The following FN1 variants were observed in gnomAD, a reference collection of about 807,000 sequenced individuals.
FN1 encodes fibronectin.
In FN1, 106 loss-of-function variants were observed where a neutral mutation model predicts 297.3. The observed-to-expected ratio is 0.36, with a 90% confidence interval of 0.30 to 0.42. The LOEUF (loss-of-function observed/expected upper bound fraction) is 0.42. FN1 is among the 10% of genes least tolerant of loss of function. FN1 has a pLI of 1.00. For missense variants in FN1, 2,690 were observed against 3,124.9 expected (o/e 0.86, Z 3.32); for synonymous variants, 1,149 against 1,152.6 (o/e 1.00, Z 0.06).
chr2:215,428,084 T>G (rs1042612231), intron 6 of FN1, 96 bp downstream of exon 6: 1 of 1,436,598 alleles, frequency 7.0e-7, no homozygotes, highest in South Asian at 1.2e-5. Flanking sequence ...ACACTGCAAA[T>G]TATCCTCAAA....
At chr2:215,408,715 AC>A in intron 15 of FN1, among the ~76,000 whole-genome samples, 1 of 151,978 alleles carries the variant, frequency 6.6e-6, no homozygotes, top group Admixed American at 6.6e-5. Context: ...TTACAGGTGC[AC>A]ACCACCACAC....
Position 215,361,495 on chromosome 2 carries a change from TCC to T in FN1, c.*58_*59del. On this transcript the variant is annotated 3_prime_UTR_variant, in exon 46 of 46. Coordinates refer to ENST00000354785, the MANE Select transcript of FN1 (RefSeq NM_212482.4). ...TCTAAGCTGGGTCTGCTAACATCACTCCAGTTTAGATGGATCTTGGCAGAGAG... is the reference window on the plus strand; with the variant it reads ...TCTAAGCTGGGTCTGCTAACATCACTAGTTTAGATGGATCTTGGCAGAGAG... The T allele has an allele frequency of 1.7e-6, 2 of 1,199,458 alleles. No individual in the cohort carries two copies. Among genetic ancestry groups the T allele is most frequent in the Non-Finnish European group, 2.5e-6 (2 of 800,746 alleles). 74.3% of individuals were successfully genotyped at this position (1,199,458 alleles called of 1,614,324 possible).
intron 10 of FN1, 76 bp downstream of exon 10, chr2:215,422,015 C>A (rs922721350): frequency 1.0e-5 from 14 of 1,386,138 alleles, no homozygotes; most frequent in Non-Finnish European, 2.1e-6. Context: ...TGGCATAGTG[C>A]AAGTTTTCAT....
rs1022027908 is a variant in FN1, at chr2:215,435,599, C to G, written c.148+56G>C. 4 of 1,608,740 alleles carry G rather than the reference C, an allele frequency of 2.5e-6. No homozygotes were observed. In the African/African-American group the frequency reaches 5.3e-5, roughly 21 times the overall value. On this transcript the variant is annotated intron_variant, in intron 1 of 45. Coordinates refer to ENST00000354785, the MANE Select transcript of FN1 (RefSeq NM_212482.4). ...ACAAAACTTCAGCCCCAACTTTGGT[C>G]GGCTTTAGGGTCCCATCCCTGAGGC...
intron 24 of FN1, among the ~76,000 whole-genome samples, chr2:215,394,153 C>T (rs1036594042): frequency 5.9e-5 from 9 of 152,160 alleles, no homozygotes; most frequent in Non-Finnish European, 1.2e-4. Context: ...ATTGTAAAAT[C>T]GGGCAGAAAT....
Position 215,406,302 on chromosome 2 carries a change from G to A in FN1, c.2922C>T (p.Tyr974=). The part of the protein sequence containing the change: ...VTGLSPGVTY[Y]FKVFAVSHGR... ...CATGGCTCACTGCAAAGACTTTGAAGTAATAGGTGACCCCAGGGGACAGCC... is the reference window on the plus strand; with the variant it reads ...CATGGCTCACTGCAAAGACTTTGAAATAATAGGTGACCCCAGGGGACAGCC... Residue 974 remains tyrosine (Y), a synonymous_variant, in exon 19 of 46, where the codon TAC becomes TAT. Coordinates refer to ENST00000354785, the MANE Select transcript of FN1 (RefSeq NM_212482.4). The A allele has an allele frequency of 3.7e-6, 6 of 1,614,178 alleles. No individual in the cohort carries two copies. Among genetic ancestry groups the A allele is most frequent in the Non-Finnish European group, 5.1e-6 (6 of 1,180,016 alleles).
At chr2:215,412,243 C>T (rs986372341) in intron 13 of FN1, among the ~76,000 whole-genome samples, 1 of 150,636 alleles carries the variant, frequency 6.6e-6, no homozygotes, top group African/African-American at 2.4e-5. Context: ...GGTGCTGAAG[C>T]ATTCTAGACT....
intron 24 of FN1, chr2:215,393,563 G>A (rs1318505191): frequency 6.6e-6 from 1 of 152,510 alleles, no homozygotes; most frequent in Non-Finnish European, 1.5e-5. Flanking sequence ...AATATCTGAA[G>A]TAAGTATCAG....
intron 36 of FN1, among the ~76,000 whole-genome samples, 180 bp from the exon 37 acceptor site, chr2:215,375,898 A>G (rs571830542): frequency 3.9e-5 from 6 of 152,358 alleles, no homozygotes; most frequent in Non-Finnish European, 5.9e-5. Flanking sequence ...AACAAGAAAC[A>G]TATCTCGAAA....
chr2:215,417,437 CTATT>C (rs761308460), intron 12 of FN1, among the ~76,000 whole-genome samples: 1 of 152,070 alleles, frequency 6.6e-6, no homozygotes, highest in Middle Eastern at 3.4e-3. Flanking sequence ...CTTTTTTTCT[CTATT>C]TATTTTGCTG....
At chr2:215,412,760 C>CTTTTTTTT (rs10524797) in intron 13 of FN1, among the ~76,000 whole-genome samples, 1,798 of 97,254 alleles carry the variant, frequency 0.018, 117 homozygotes, top group African/African-American at 0.053. Flanking sequence ...TATTAAGTAT[C>CTTTTTTTT]TTTTTTTTTT....
rs2066365422 is a variant in FN1 at position 215,430,734 on chromosome 2, G to A, written c.666C>T (p.Arg222=). 6.2e-7 allele frequency: 1 copy of A among 1,614,054 alleles called. No homozygotes were observed. The highest frequency in any genetic ancestry group is 1.1e-5 in the South Asian group (1 of 91,078). ...ACATACTTCTAGAAGTGCAAGTGAT[G>A]CGTCCGCTGCCTTCTCCCAGGCAAG... ...DCTCLGEGSG[R]ITCTSRNRCN... Residue 222 remains arginine (R), a synonymous_variant, in exon 5 of 46, where the codon CGC becomes CGT. Transcript: ENST00000354785.
At position 215,426,555 on chromosome 2, in the gene FN1, C is replaced by A. The variant is rs7598545; in HGVS notation, c.845-1270G>T. The stretch of plus-strand genomic sequence containing the variant: ...CAAAGGTACACTGAATTCAGTGCCT[C>A]CCTAAGTGCTGCTGAACACTAGAAC... On this transcript the variant is annotated intron_variant, in intron 6 of 45. Transcript: ENST00000354785. Among the ~76,000 whole-genome samples the A allele has an allele frequency of 2.6e-3, 401 of 152,192 alleles. 2 individuals are homozygous for A. The highest frequency in any genetic ancestry group is 9.4e-3 in the African/African-American group (392 of 41,520).
chr2:215,433,202 T>C, intron 3 of FN1, 122 bp downstream of exon 3: 7 of 1,225,406 alleles, frequency 5.7e-6, no homozygotes, highest in Non-Finnish European at 7.2e-6. Context: ...GAGTACCTGG[T>C]CACCAGGGGC....
chr2:215,409,591 A>C lies in FN1; in HGVS notation c.2271T>G (p.Ser757Arg). The change falls in exon 15 of 46, where the codon AGT becomes AGG. Residue 757 changes from serine to arginine, a missense_variant. By Grantham distance (110) the Ser-to-Arg change is moderately radical. This residue lies in a region of FN1 where 876 missense variants were observed against 1,058.1 expected (regional missense o/e 0.83). Coordinates refer to ENST00000354785, the MANE Select transcript of FN1 (RefSeq NM_212482.4). ...GGTACTGTGGCTCATCTCCCTCCTC[A>C]CTCAGCTCATATTCCACCCGGAATC... is the stretch of plus-strand genomic sequence containing the variant. ...VSGFRVEYEL[S>R]EEGDEPQYLD... The C allele has an allele frequency of 6.2e-7, 1 of 1,613,546 alleles. No individual in the cohort carries two copies. Among genetic ancestry groups the C allele is most frequent in the Non-Finnish European group, 8.5e-7 (1 of 1,179,968 alleles).
chr2:215,379,432 G>C, intron 33 of FN1, 115 bp from the exon 34 acceptor site: 2 of 865,780 alleles, frequency 2.3e-6, no homozygotes, highest in African/African-American at 1.7e-5. Flanking sequence ...TGGGTTCCCT[G>C]GTCAAGCAAA....
rs1343115073 is a variant in FN1, at chr2:215,361,498, A to C, written c.*57T>G. The C allele has an allele frequency of 4.9e-6, 6 of 1,224,008 alleles. No individual in the cohort carries two copies. Among genetic ancestry groups the C allele is most frequent in the Non-Finnish European group, 7.3e-6 (6 of 823,204 alleles). 75.8% of individuals were successfully genotyped at this position (1,224,008 alleles called of 1,614,324 possible). A position where few individuals can be genotyped will look rare whatever the true frequency, so the allele number is the denominator to read the frequency against. On this transcript the variant is annotated 3_prime_UTR_variant, in exon 46 of 46. Transcript: ENST00000354785. ...AAGCTGGGTCTGCTAACATCACTCC[A>C]GTTTAGATGGATCTTGGCAGAGAGA...
At chr2:215,417,089 T>C (rs983514853) in intron 12 of FN1, among the ~76,000 whole-genome samples, 2 of 152,252 alleles carry the variant, frequency 1.3e-5, no homozygotes, top group Non-Finnish European at 2.9e-5. Flanking sequence ...CTCTAGCTTA[T>C]ACTATGTATC....
rs1272387111 is a variant in FN1 at position 215,408,360 on chromosome 2, T to C, written c.2366A>G (p.Asn789Ser). The C allele has an allele frequency of 1.9e-6, 3 of 1,614,016 alleles. No homozygotes were observed. The highest frequency in any genetic ancestry group is 1.7e-5 in the Admixed American group (1 of 60,020). The change falls in exon 16 of 46, where the codon AAT becomes AGT. Residue 789 changes from asparagine (N) to serine (S), a missense_variant. Physicochemically the swap from Asn to Ser is conservative, Grantham distance 46. Around this residue, in one of 3 missense-constraint regions of FN1, gnomAD observed 876 missense variants for 1,058.1 expected, o/e 0.83. Coordinates refer to ENST00000354785, the MANE Select transcript of FN1 (RefSeq NM_212482.4). ...DLLPGRKYIVNVYQISEDGEQ... is the reference protein window; with the variant it reads ...DLLPGRKYIVSVYQISEDGEQ... ...CCCATCCTCAGATATCTGATAGACATTTACAATGTATTTTCGGCCAGGAAG... is the reference window on the plus strand; with the variant it reads ...CCCATCCTCAGATATCTGATAGACACTTACAATGTATTTTCGGCCAGGAAG...
Sources: allele counts gnomAD v4.1 joint callset (sites outside exome capture counted in the v4.1 genomes callset), GRCh38; gene constraint gnomAD v4.1.1; regional missense constraint gnomAD v4.1.1; transcripts MANE v1.5; gene names NCBI Gene and HGNC (gene_info 2026-07-23, HGNC 2026-07-21).